The following ZNRF2 variants were observed in gnomAD, a reference collection of about 807,000 sequenced individuals.
ZNRF2 encodes the protein zinc and ring finger 2.
Under a neutral mutation model 20.4 loss-of-function variants are expected in ZNRF2, and 16 were observed. The ratio of observed to expected loss-of-function variants is 0.79; its 90% CI spans 0.53 to 1.19. ZNRF2 has a LOEUF of 1.19. Among genes scored for constraint, ZNRF2 ranks in the 50% most tolerant of loss-of-function variants. The pLI is 0.00. For missense variants in ZNRF2, 363 were observed against 332.4 expected (o/e 1.09, Z -0.72); for synonymous variants, 178 against 144.9 (o/e 1.23, Z -1.64).
intron 2 of ZNRF2, among the ~76,000 whole-genome samples, chr7:30,336,570 G>A (rs767807433): frequency 2.0e-5 from 3 of 152,092 alleles, no homozygotes; most frequent in Non-Finnish European, 4.4e-5. Flanking sequence ...TTAGTTATCT[G>A]AGATTTTAAT....
At chr7:30,306,045 C>T (rs1201123344) in intron 1 of ZNRF2, among the ~76,000 whole-genome samples, 1 of 152,086 alleles carries the variant, frequency 6.6e-6, no homozygotes, top group African/African-American at 2.4e-5. Context: ...GCCGCTCTTT[C>T]CTCAATATTA....
chr7:30,332,506 C>T lies in ZNRF2; in HGVS notation c.565+8769C>T, dbSNP rs74300340. ...ACATAGTACCTAATAGGTAGTTTTT[C>T]AACCCTTGTCCCCCTCCCTCTCTTC... is the stretch of plus-strand genomic sequence containing the variant. On this transcript the variant is annotated intron_variant, in intron 2 of 4. Coordinates refer to ENST00000323037, the MANE Select transcript of ZNRF2 (RefSeq NM_147128.4). Among the ~76,000 whole-genome samples the T allele has an allele frequency of 2.2e-4, 33 of 152,246 alleles. No individual in the cohort carries two copies. The East Asian group carries it at 5.8e-3, about 27-fold the overall frequency.
chr7:30,357,171 T>C (rs1247772155), intron 3 of ZNRF2, among the ~76,000 whole-genome samples: 1 of 152,230 alleles, frequency 6.6e-6, no homozygotes, highest in Non-Finnish European at 1.5e-5. Flanking sequence ...GATGTGTATA[T>C]GTATTTGTAT....
At chr7:30,335,240 G>A (rs1178382038) in intron 2 of ZNRF2, among the ~76,000 whole-genome samples, 1 of 151,938 alleles carries the variant, frequency 6.6e-6, no homozygotes, top group East Asian at 1.9e-4. Context: ...TTTTCCTTCT[G>A]TCACTTTCAT....
At chr7:30,292,905 G>A (rs1428098930) in intron 1 of ZNRF2, among the ~76,000 whole-genome samples, 1 of 152,126 alleles carries the variant, frequency 6.6e-6, no homozygotes, top group African/African-American at 2.4e-5. Flanking sequence ...AAAGAGGGAT[G>A]GGGAGTATTT....
At chr7:30,322,607 C>T (rs2128063096) in intron 1 of ZNRF2, among the ~76,000 whole-genome samples, 1 of 152,132 alleles carries the variant, frequency 6.6e-6, no homozygotes, top group South Asian at 2.1e-4. Flanking sequence ...TTTGACCTTT[C>T]TGCTTAAGCT....
At position 30,284,891 on chromosome 7, in the gene ZNRF2, G is replaced by A. The variant is rs559530782; in HGVS notation, c.-467G>A. 2.9e-5 allele frequency: 7 copies of A among 238,922 alleles called. No individual in the cohort carries two copies. Among genetic ancestry groups the A allele is most frequent in the South Asian group, 2.2e-4 (7 of 31,148 alleles). 14.8% of individuals were successfully genotyped at this position (238,922 alleles called of 1,614,324 possible). ...GGTGGCCCCGGCGGAGTCTGGGCGG[G>A]CGCCTCCCACTCAGCCGCCAGCCGC... On this transcript the variant is annotated 5_prime_UTR_variant, in exon 1 of 5. Coordinates refer to ENST00000323037, the MANE Select transcript of ZNRF2 (RefSeq NM_147128.4).
Position 30,315,275 on chromosome 7 carries a change from G to A in ZNRF2, c.470-8367G>A, listed in dbSNP as rs138781195. Among the ~76,000 whole-genome samples the A allele has an allele frequency of 3.5e-3, 534 of 152,182 alleles. 2 individuals carry two copies. Among genetic ancestry groups the A allele is most frequent in the African/African-American group, 0.012 (491 of 41,500 alleles). ...GTTTGTTTTTTGCCACTATTCACACGAAATAATCCCTTGGAAATCTCAAAA... is the reference window on the plus strand; with the variant it reads ...GTTTGTTTTTTGCCACTATTCACACAAAATAATCCCTTGGAAATCTCAAAA... On this transcript the variant is annotated intron_variant, in intron 1 of 4. Transcript: ENST00000323037.
chr7:30,341,731 T>C (rs1799798187), intron 2 of ZNRF2, among the ~76,000 whole-genome samples: 1 of 152,210 alleles, frequency 6.6e-6, no homozygotes, highest in Non-Finnish European at 1.5e-5. Context: ...GGATGTCTCT[T>C]ACGTCAGCTT....
chr7:30,315,531 T>C (rs1161623208), intron 1 of ZNRF2, among the ~76,000 whole-genome samples: 1 of 152,126 alleles, frequency 6.6e-6, no homozygotes, highest in Non-Finnish European at 1.5e-5. Flanking sequence ...TTAGAGTGGA[T>C]GTTCCCTTAG....
intron 1 of ZNRF2, among the ~76,000 whole-genome samples, chr7:30,316,032 T>C (rs957493989): frequency 2.0e-5 from 3 of 152,054 alleles, no homozygotes; most frequent in Admixed American, 6.6e-5. Flanking sequence ...CTCACACCTG[T>C]AATCCCAGCA....
At chr7:30,365,853 T>G (rs570435139) in intron 4 of ZNRF2, among the ~76,000 whole-genome samples, 182 bp from the exon 5 acceptor site, 1 of 152,262 alleles carries the variant, frequency 6.6e-6, no homozygotes, top group South Asian at 2.1e-4. Context: ...GTGTAGTCCT[T>G]ATTGTGAAAG....
chr7:30,310,635 T>TA, intron 1 of ZNRF2, among the ~76,000 whole-genome samples: 1 of 152,284 alleles, frequency 6.6e-6, no homozygotes, highest in Admixed American at 6.5e-5. Flanking sequence ...TTAAAAAATG[T>TA]AAAAAGTTCT....
chr7:30,304,912 G>A (rs568871340), intron 1 of ZNRF2, among the ~76,000 whole-genome samples: 226 of 152,078 alleles, frequency 1.5e-3, no homozygotes, highest in Non-Finnish European at 2.6e-3. Flanking sequence ...TTAGGACTTC[G>A]GCAAGCCAGA....
At chr7:30,296,232 A>G (rs1387314295) in intron 1 of ZNRF2, among the ~76,000 whole-genome samples, 2 of 152,250 alleles carry the variant, frequency 1.3e-5, no homozygotes, top group African/African-American at 4.8e-5. Flanking sequence ...TAATTTTTGA[A>G]CCAAATAGGT....
chr7:30,363,114 CCTT>C lies in ZNRF2; in HGVS notation c.*22+661_*22+663del, dbSNP rs542254632. Among the ~76,000 whole-genome samples, 393 of 151,628 alleles carry C rather than the reference CCTT, an allele frequency of 2.6e-3. 2 individuals are homozygous for C. The highest frequency in any genetic ancestry group is 9.0e-3 in the African/African-American group (371 of 41,310). ...CTAGCCTGGGCGACAGAGCGAGTCTCCTTCTCAAAAAAAACAAAAAACAAAAGA... is the reference window on the plus strand; with the variant it reads ...CTAGCCTGGGCGACAGAGCGAGTCTCCTCAAAAAAAACAAAAAACAAAAGA... On this transcript the variant is annotated intron_variant, in intron 4 of 4. Transcript: ENST00000323037.
At chr7:30,311,260 G>C (rs1321423713) in intron 1 of ZNRF2, among the ~76,000 whole-genome samples, 3 of 152,088 alleles carry the variant, frequency 2.0e-5, no homozygotes, top group Non-Finnish European at 4.4e-5. Flanking sequence ...ATTTTACCCC[G>C]AGTGTAATTT....
At chr7:30,328,390 A>T (rs753730766) in intron 2 of ZNRF2, among the ~76,000 whole-genome samples, 1 of 152,112 alleles carries the variant, frequency 6.6e-6, no homozygotes, top group Middle Eastern at 3.2e-3. Context: ...AAACAAGAAC[A>T]TTTTTTTCAG....
chr7:30,347,215 T>C (rs2127954008), intron 2 of ZNRF2, among the ~76,000 whole-genome samples: 1 of 152,346 alleles, frequency 6.6e-6, no homozygotes, highest in Non-Finnish European at 1.5e-5. Flanking sequence ...CCTATGTCGG[T>C]CATACTGTTA....
Sources: allele counts gnomAD v4.1 joint callset (sites outside exome capture counted in the v4.1 genomes callset), GRCh38; gene constraint gnomAD v4.1.1; transcripts MANE v1.5; gene names NCBI Gene and HGNC (gene_info 2026-07-23, HGNC 2026-07-21).